Variants in STAG1 observed in about 807,000 individuals in gnomAD.
STAG1 encodes cohesin subunit SA-1.
In STAG1, 26 loss-of-function variants were observed where a neutral mutation model predicts 170.9. The observed-to-expected ratio is 0.15, with a 90% CI of 0.11 to 0.21. The LOEUF (loss-of-function observed/expected upper bound fraction) is 0.21, where lower values mean the gene tolerates loss of function less well. STAG1 is among the 10% of genes least tolerant of loss of function. The probability of loss-of-function intolerance (pLI) is 1.00; values close to 1 mark genes in which losing one functional copy is unlikely to be tolerated. For synonymous variants in STAG1, 514 were observed against 497.7 expected (o/e 1.03, Z -0.44); for missense variants, 964 against 1,509.5 (o/e 0.64, Z 5.99).
Position 136,555,739 on chromosome 3 carries a change from T to TA in STAG1, c.394+13025dup, listed in dbSNP as rs201611058. The stretch of plus-strand genomic sequence containing the variant: ...TCAATCAAGTATACAATTTAATAGT[T>TA]AAAAAAAAAAATCAGTAGCTTGAAA... On this transcript the variant is annotated intron_variant, in intron 5 of 33. Coordinates refer to ENST00000383202, the MANE Select transcript of STAG1 (RefSeq NM_005862.3). Among the ~76,000 whole-genome samples, 531 of 144,802 alleles carry TA rather than the reference T, an allele frequency of 3.7e-3. 6 individuals carry two copies. The East Asian group carries it at 0.048, about 13-fold the overall frequency. The allele number at this position is 144,802 out of a possible 152,430, so 95.0% of individuals were successfully genotyped here. A position where few individuals can be genotyped will look rare whatever the true frequency, so the allele number is the denominator to read the frequency against.
At chr3:136,751,620 A>G (rs1028733000) in intron 1 of STAG1, among the ~76,000 whole-genome samples, 6 of 151,518 alleles carry the variant, frequency 4.0e-5, no homozygotes, top group Admixed American at 3.3e-4. Flanking sequence ...CCCCGCCAAC[A>G]AGAAGCCTGG....
intron 1 of STAG1, among the ~76,000 whole-genome samples, chr3:136,724,976 C>A (rs1933577637): frequency 6.6e-6 from 1 of 152,090 alleles, no homozygotes; most frequent in Admixed American, 6.6e-5. Flanking sequence ...AGTATCATTT[C>A]TTCTTATTTT....
intron 6 of STAG1, among the ~76,000 whole-genome samples, chr3:136,540,634 C>A (rs967448423): frequency 3.3e-5 from 5 of 151,508 alleles, no homozygotes; most frequent in South Asian, 2.1e-4. Flanking sequence ...TCAGCCTGGA[C>A]AACATGGAGA....
At chr3:136,604,261 G>A in intron 4 of STAG1, 48 bp downstream of exon 4, 1 of 1,538,816 alleles carries the variant, frequency 6.5e-7, no homozygotes, top group Non-Finnish European at 8.8e-7. Flanking sequence ...TTCCACCCAA[G>A]TTATTAACTG....
intron 1 of STAG1, among the ~76,000 whole-genome samples, chr3:136,651,486 C>A (rs1941215278): frequency 6.6e-6 from 1 of 150,610 alleles, no homozygotes; most frequent in Non-Finnish European, 1.5e-5. Flanking sequence ...TATTAAAAAT[C>A]TTGTAAATAT....
At chr3:136,423,128 AATAAT>A in intron 16 of STAG1, 84 bp from the exon 17 acceptor site, 1 of 832,794 alleles carries the variant, frequency 1.2e-6, no homozygotes. Context: ...AGCACTGGCA[AATAAT>A]ATAACCACAA....
intron 13 of STAG1, among the ~76,000 whole-genome samples, chr3:136,461,697 A>G (rs1445341143): frequency 1.3e-5 from 2 of 152,108 alleles, no homozygotes; most frequent in African/African-American, 2.4e-5. Context: ...AAGGAAAAAC[A>G]GACAAATGAG....
chr3:136,523,648 T>C (rs1281412459), intron 6 of STAG1, among the ~76,000 whole-genome samples: 1 of 152,228 alleles, frequency 6.6e-6, no homozygotes, highest in Non-Finnish European at 1.5e-5. Context: ...CTTTTGGTGT[T>C]TTAGACGTGA....
intron 1 of STAG1, among the ~76,000 whole-genome samples, chr3:136,716,083 G>C (rs1387244691): frequency 2.6e-5 from 4 of 152,058 alleles, no homozygotes; most frequent in Non-Finnish European, 5.9e-5. Flanking sequence ...GGGCGACACA[G>C]AGAGACTTCA....
intron 9 of STAG1, among the ~76,000 whole-genome samples, chr3:136,478,980 CACTTAATACAAATAGAAG>C (rs2089840510): frequency 6.6e-6 from 1 of 151,564 alleles, no homozygotes; most frequent in South Asian, 2.1e-4. Context: ...AGAATAAAAT[CACTTAATACAAATAGAAG>C]ACTTAGAATT....
intron 1 of STAG1, among the ~76,000 whole-genome samples, chr3:136,747,663 G>C (rs1265747293): frequency 1.3e-5 from 2 of 152,062 alleles, no homozygotes; most frequent in Non-Finnish European, 1.5e-5. Context: ...CTGAGTGACA[G>C]AGAGAGACCC....
At chr3:136,751,185 G>GTT (rs71134409) in intron 1 of STAG1, among the ~76,000 whole-genome samples, 75 of 120,874 alleles carry the variant, frequency 6.2e-4, no homozygotes, top group African/African-American at 1.9e-3. Flanking sequence ...TTTTTTTTTT[G>GTT]TTTTTTTTTT....
intron 6 of STAG1, among the ~76,000 whole-genome samples, chr3:136,528,622 T>C (rs1935202335): frequency 6.7e-6 from 1 of 150,292 alleles, no homozygotes; most frequent in Non-Finnish European, 1.5e-5. Context: ...ATTCAGCATA[T>C]AAACCAAAAA....
At chr3:136,339,534 TAAA>T (rs1004060622) in intron 32 of STAG1, among the ~76,000 whole-genome samples, 3 of 152,020 alleles carry the variant, frequency 2.0e-5, no homozygotes, top group Non-Finnish European at 4.4e-5. Flanking sequence ...AATAAATAAA[TAAA>T]AATTTGTTTA....
At chr3:136,638,706 T>C (rs1302530045) in intron 1 of STAG1, among the ~76,000 whole-genome samples, 1 of 151,942 alleles carries the variant, frequency 6.6e-6, no homozygotes. Flanking sequence ...AATTCAAGAC[T>C]AGCCTGGCCA....
In STAG1 at chr3:136,463,531, A is replaced by G. The variant is rs140894116; in HGVS notation, c.1313+1350T>C. ...TCCATGAACAAAAATCCAAAACACA[A>G]AACAAAGCAAAAAGATACACACCTA... On this transcript the variant is annotated intron_variant, in intron 13 of 33. Coordinates refer to ENST00000383202, the MANE Select transcript of STAG1 (RefSeq NM_005862.3). Among the ~76,000 whole-genome samples the G allele has an allele frequency of 3.2e-4, 48 of 152,094 alleles. No individual in the cohort carries two copies. The East Asian group carries it at 6.0e-3, about 19-fold the overall frequency.
At chr3:136,403,430 G>A (rs570455667) in intron 21 of STAG1, among the ~76,000 whole-genome samples, 4 of 151,984 alleles carry the variant, frequency 2.6e-5, no homozygotes, top group African/African-American at 7.2e-5. Flanking sequence ...ACATTGTCAA[G>A]TTATAAACAT....
At chr3:136,670,339 C>T (rs1223825115) in intron 1 of STAG1, among the ~76,000 whole-genome samples, 1 of 152,194 alleles carries the variant, frequency 6.6e-6, no homozygotes, top group South Asian at 2.1e-4. Flanking sequence ...GATTTTAAAA[C>T]TACACTGGTA....
intron 3 of STAG1, among the ~76,000 whole-genome samples, chr3:136,622,550 A>G (rs1432961543): frequency 6.6e-6 from 1 of 152,186 alleles, no homozygotes; most frequent in Non-Finnish European, 1.5e-5. Flanking sequence ...AAGAGTTTCC[A>G]TTAGAAGAAT....
Sources: gnomAD v4.1 joint callset for allele counts (sites outside exome capture counted in the v4.1 genomes callset) on GRCh38, gnomAD v4.1.1 for gene constraint, MANE v1.5 for transcripts, NCBI Gene and HGNC (gene_info 2026-07-23, HGNC 2026-07-21) for gene names.